The following RNF10 variants were observed in gnomAD, a reference collection of about 807,000 sequenced individuals.
RNF10 encodes the protein ring finger protein 10, also known as E3 ubiquitin-protein ligase RNF10.
In RNF10, 38 loss-of-function variants were observed where a neutral mutation model predicts 91.4. That is an observed-to-expected ratio of 0.42 (90% CI 0.32 to 0.54). The LOEUF (loss-of-function observed/expected upper bound fraction) is 0.54. RNF10 is among the 20% of genes least tolerant of loss of function. RNF10 has a pLI of 0.16. For synonymous variants in RNF10, 364 were observed against 366.3 expected (o/e 0.99, Z 0.07); for missense variants, 945 against 1,012.0 (o/e 0.93, Z 0.90).
intron 1 of RNF10, chr12:120,539,505 A>AAGTTTCTGCT: frequency 9.3e-7 from 1 of 1,070,090 alleles, no homozygotes; most frequent in Non-Finnish European, 1.3e-6. Flanking sequence ...ATGAATCAGC[A>AAGTTTCTGCT]GCAGAAACTT....
At chr12:120,554,840 A>C (rs1414806777) in intron 4 of RNF10, 32 bp downstream of exon 4, 22 of 1,535,496 alleles carry the variant, frequency 1.4e-5, no homozygotes, top group Non-Finnish European at 1.9e-5. Context: ...ATAAGCTATG[A>C]ATGGGAGCAC....
intron 1 of RNF10, among the ~76,000 whole-genome samples, chr12:120,539,626 G>C (rs1167066923): frequency 6.6e-6 from 1 of 152,156 alleles, no homozygotes; most frequent in East Asian, 1.9e-4. Flanking sequence ...ATTTGGTAAT[G>C]GGGGGAGGCT....
intron 10 of RNF10, among the ~76,000 whole-genome samples, chr12:120,564,480 C>T (rs1293618865): frequency 6.6e-6 from 1 of 152,104 alleles, no homozygotes; most frequent in South Asian, 2.1e-4. Flanking sequence ...AAAAAATTAG[C>T]TGGGTATGAT....
intron 2 of RNF10, among the ~76,000 whole-genome samples, chr12:120,547,808 A>G (rs1157775770): frequency 1.3e-5 from 2 of 152,214 alleles, no homozygotes; most frequent in Non-Finnish European, 2.9e-5. Context: ...ATGAGAAGCC[A>G]TTGAAAGGTT....
chr12:120,534,761 C>T lies in RNF10; in HGVS notation c.-51C>T. On this transcript the variant is annotated 5_prime_UTR_variant, in exon 1 of 17. Coordinates refer to ENST00000325954, the MANE Select transcript of RNF10 (RefSeq NM_014868.5). ...GCCCTGAACGCCATGAGCCTGGGTC[C>T]CCGCCGCGCCCGCTCCGCTCCGACT... 1 of 1,517,088 alleles carries T rather than the reference C, an allele frequency of 6.6e-7. No homozygotes were observed. Among genetic ancestry groups the T allele is most frequent in the African/African-American group, 1.4e-5 (1 of 70,322 alleles). 94.0% of individuals were successfully genotyped at this position (1,517,088 alleles called of 1,614,324 possible).
chr12:120,565,194 G>C lies in RNF10; in HGVS notation c.1783+5G>C. The C allele has an allele frequency of 1.3e-6, 2 of 1,561,464 alleles. No homozygotes were observed. Among genetic ancestry groups the C allele is most frequent in the Non-Finnish European group, 1.8e-6 (2 of 1,132,162 alleles). On this transcript the variant is annotated splice_donor_5th_base_variant and intron_variant, in intron 11 of 16. Transcript: ENST00000325954. ...AAACCCTAGAGATGTTCTCAGGTGAGAATGCCCCTGCTCTGCTTCTCTTTA... is the reference window on the plus strand; with the variant it reads ...AAACCCTAGAGATGTTCTCAGGTGACAATGCCCCTGCTCTGCTTCTCTTTA...
intron 6 of RNF10, among the ~76,000 whole-genome samples, chr12:120,558,195 A>G (rs1049396382): frequency 6.6e-6 from 1 of 152,218 alleles, no homozygotes; most frequent in African/African-American, 2.4e-5. Flanking sequence ...AAAAAATAAA[A>G]TTAGATTCCT....
At chr12:120,539,732 G>A (rs934947990) in intron 1 of RNF10, among the ~76,000 whole-genome samples, 2 of 152,002 alleles carry the variant, frequency 1.3e-5, no homozygotes, top group East Asian at 1.9e-4. Context: ...TTTATTTGTC[G>A]ACTCTGGAGC....
At position 120,565,204 on chromosome 12, in the gene RNF10, G is replaced by T. The variant is rs1402408016; in HGVS notation, c.1783+15G>T. On this transcript the variant is annotated intron_variant, in intron 11 of 16. Transcript: ENST00000325954. Reference sequence around the variant, plus strand: ...GATGTTCTCAGGTGAGAATGCCCCTGCTCTGCTTCTCTTTATAGTAGGGTT... The same window carrying T: ...GATGTTCTCAGGTGAGAATGCCCCTTCTCTGCTTCTCTTTATAGTAGGGTT... The T allele has an allele frequency of 6.6e-7, 1 of 1,520,730 alleles. No homozygotes were observed. The highest frequency in any genetic ancestry group is 9.1e-7 in the Non-Finnish European group (1 of 1,095,106). 94.2% of individuals were successfully genotyped at this position (1,520,730 alleles called of 1,614,324 possible).
chr12:120,535,169 T>A (rs938494279), intron 1 of RNF10, among the ~76,000 whole-genome samples: 1 of 152,228 alleles, frequency 6.6e-6, no homozygotes, highest in South Asian at 2.1e-4. Flanking sequence ...ACATTAATAC[T>A]CAAAACTGCT....
intron 2 of RNF10, among the ~76,000 whole-genome samples, chr12:120,547,240 C>G (rs1233364292): frequency 6.6e-6 from 1 of 152,164 alleles, no homozygotes; most frequent in African/African-American, 2.4e-5. Context: ...GACACCTTCT[C>G]TGAGGAGGTG....
intron 1 of RNF10, among the ~76,000 whole-genome samples, chr12:120,536,580 G>A (rs1408143102): frequency 1.3e-5 from 2 of 152,194 alleles, no homozygotes; most frequent in Non-Finnish European, 2.9e-5. Flanking sequence ...GGCCGTGTCA[G>A]GAAATGGCAT....
At position 120,562,992 on chromosome 12, in the gene RNF10, C is replaced by T; in HGVS notation, c.1176C>T (p.Val392=). 1 of 1,614,114 alleles carries T rather than the reference C, an allele frequency of 6.2e-7. No homozygotes were observed. The highest frequency in any genetic ancestry group is 8.5e-7 in the Non-Finnish European group (1 of 1,180,012). The change falls in exon 8 of 17, where the codon GTC becomes GTT. Residue 392 remains valine (V), a synonymous_variant. Transcript: ENST00000325954. ...LSGLAGSRRE[V]TGVVAALEQL... ...GATTGGCCGGAAGCAGAAGGGAGGT[C>T]ACTGGTGTTGTGGCTGCTCTGGAAC...
chr12:120,553,937 C>T (rs1873577223), intron 3 of RNF10: 1 of 149,734 alleles, frequency 6.7e-6, no homozygotes, highest in Non-Finnish European at 1.5e-5. Context: ...CAGAGTCTCC[C>T]TCTGTCGCCC....
chr12:120,565,222 G>T, intron 11 of RNF10, 33 bp downstream of exon 11: 1 of 1,451,448 alleles, frequency 6.9e-7, no homozygotes, highest in Non-Finnish European at 9.7e-7. Context: ...TCTCTTTATA[G>T]TAGGGTTCAG....
chr12:120,575,697 G>A lies in RNF10; in HGVS notation c.2200+9G>A. 6.2e-7 allele frequency: 1 copy of A among 1,614,168 alleles called. No individual in the cohort carries two copies. The highest frequency in any genetic ancestry group is 8.5e-7 in the Non-Finnish European group (1 of 1,180,020). On this transcript the variant is annotated intron_variant, in intron 15 of 16. Coordinates refer to ENST00000325954, the MANE Select transcript of RNF10 (RefSeq NM_014868.5). ...AACTGCTCCAAAGAAAGGTGAGGAT[G>A]GTCCACTGGTGAAGGGGGAGTTTGG...
intron 1 of RNF10, chr12:120,535,293 C>A (rs191282653): frequency 8.2e-6 from 2 of 244,592 alleles, no homozygotes; most frequent in Non-Finnish European, 1.6e-5. Flanking sequence ...TGTGACTCAT[C>A]AGTCCACGCT....
At chr12:120,569,778 T>A (rs1593113988) in intron 13 of RNF10, among the ~76,000 whole-genome samples, 1 of 152,092 alleles carries the variant, frequency 6.6e-6, no homozygotes, top group South Asian at 2.1e-4. Flanking sequence ...CTTCAAGTGA[T>A]CCGCCTGCCT....
Position 120,571,214 on chromosome 12 carries a change from C to T in RNF10, c.2065C>T (p.Pro689Ser). 1.2e-6 allele frequency: 2 copies of T among 1,613,736 alleles called. No homozygotes were observed. Among genetic ancestry groups the T allele is most frequent in the Non-Finnish European group, 1.7e-6 (2 of 1,179,720 alleles). ...AGACTTTCTGCTGACCCCTCTGTCA[C>T]CCACTGCCAGTCAGGGCAGTCCCTC... ...HADFLLTPLS[P>S]TASQGSPSFC... The change falls in exon 14 of 17, where the codon CCC becomes TCC. Residue 689 changes from proline (P) to serine (S), a missense_variant. By Grantham distance (74) the Pro-to-Ser change is moderately conservative. Transcript: ENST00000325954.
Sources: allele counts gnomAD v4.1 joint callset (sites outside exome capture counted in the v4.1 genomes callset), GRCh38; gene constraint gnomAD v4.1.1; transcripts MANE v1.5; gene names NCBI Gene and HGNC (gene_info 2026-07-23, HGNC 2026-07-21).